The following NKAIN3 variants were observed in gnomAD, a reference collection of about 807,000 sequenced individuals.
NKAIN3 encodes sodium/potassium transporting ATPase interacting 3.
Under a neutral mutation model 30.2 loss-of-function variants are expected in NKAIN3, and 25 were observed. That is an observed-to-expected ratio of 0.83 (90% CI 0.60 to 1.16). The LOEUF (loss-of-function observed/expected upper bound fraction) is 1.16. Among genes scored for constraint, NKAIN3 ranks in the 50% most tolerant of loss-of-function variants. The probability of loss-of-function intolerance (pLI) is 0.00; values close to 1 mark genes in which losing one functional copy is unlikely to be tolerated. For synonymous variants in NKAIN3, 91 were observed against 89.6 expected (o/e 1.02, Z -0.09); for missense variants, 225 against 254.1 (o/e 0.89, Z 0.78).
chr8:62,331,132 T>A (rs193299971), intron 1 of NKAIN3, among the ~76,000 whole-genome samples: 252 of 149,412 alleles, frequency 1.7e-3, no homozygotes, highest in African/African-American at 5.7e-3. Flanking sequence ...TATCCCTTCC[T>A]CCCTCCTCTT....
intron 1 of NKAIN3, among the ~76,000 whole-genome samples, chr8:62,577,156 C>T (rs1222734327): frequency 1.3e-5 from 2 of 151,994 alleles, no homozygotes; most frequent in Non-Finnish European, 2.9e-5. Context: ...TCGATATGCT[C>T]CCTTCTCTGT....
At chr8:62,350,848 C>T (rs972077361) in intron 1 of NKAIN3, among the ~76,000 whole-genome samples, 2 of 151,664 alleles carry the variant, frequency 1.3e-5, no homozygotes, top group Non-Finnish European at 2.9e-5. Context: ...TGCCACCATG[C>T]CCGGCTAATT....
intron 3 of NKAIN3, among the ~76,000 whole-genome samples, chr8:62,663,713 C>A (rs1228147908): frequency 6.6e-6 from 1 of 152,200 alleles, no homozygotes; most frequent in East Asian, 1.9e-4. Flanking sequence ...CATCTCCCTA[C>A]TTCTTTTCTG....
chr8:62,351,840 G>A (rs1816190606), intron 1 of NKAIN3, among the ~76,000 whole-genome samples: 1 of 152,268 alleles, frequency 6.6e-6, no homozygotes, highest in Middle Eastern at 3.4e-3. Flanking sequence ...TGTAAGAGGA[G>A]GTAGCATCAC....
chr8:62,819,156 T>C (rs1041606120), intron 4 of NKAIN3, among the ~76,000 whole-genome samples: 1,943 of 146,770 alleles, frequency 0.013, 48 homozygotes, highest in African/African-American at 0.048. Context: ...TATATACATA[T>C]ATATATATAT....
chr8:62,446,100 C>T (rs1805477977), intron 1 of NKAIN3, among the ~76,000 whole-genome samples: 1 of 151,984 alleles, frequency 6.6e-6, no homozygotes, highest in South Asian at 2.1e-4. Flanking sequence ...GTGAAAATGC[C>T]CATTTATTCA....
intron 6 of NKAIN3, among the ~76,000 whole-genome samples, chr8:62,957,619 T>C (rs1160181535): frequency 1.3e-5 from 2 of 152,156 alleles, no homozygotes; most frequent in Non-Finnish European, 2.9e-5. Context: ...GAAGTCAAAC[T>C]GAAAAGGCTA....
Position 62,589,875 on chromosome 8 carries a change from TTGTGTGTG to T in NKAIN3, c.273+115_273+122del, listed in dbSNP as rs35791396. ...GTGACTACATACATATATAGGTATA[TTGTGTGTG>T]TGTGTGTGTGTGTGTGTGTGTGTGT... On this transcript the variant is annotated intron_variant, in intron 3 of 6. Transcript: ENST00000623646. 3.8e-4 allele frequency: 164 copies of T among 430,062 alleles called. 1 individual carries two copies. Among genetic ancestry groups the T allele is most frequent in the African/African-American group, 2.5e-3 (113 of 45,596 alleles). The allele number at this position is 430,062 out of a possible 1,614,324, so 26.6% of individuals were successfully genotyped here. A position where few individuals can be genotyped will look rare whatever the true frequency, so the allele number is the denominator to read the frequency against.
chr8:62,700,351 T>C (rs1258541927), intron 3 of NKAIN3, among the ~76,000 whole-genome samples: 6 of 152,236 alleles, frequency 3.9e-5, no homozygotes, highest in African/African-American at 1.4e-4. Flanking sequence ...TTCCACATCT[T>C]GTGCTTAAAC....
intron 1 of NKAIN3, among the ~76,000 whole-genome samples, chr8:62,271,427 T>C (rs562771746): frequency 6.6e-6 from 1 of 152,290 alleles, no homozygotes; most frequent in South Asian, 2.1e-4. Context: ...TGGGAGGAAG[T>C]ATCAAGGTGT....
intron 5 of NKAIN3, among the ~76,000 whole-genome samples, chr8:62,937,739 C>G (rs1191801074): frequency 6.6e-6 from 1 of 152,044 alleles, no homozygotes; most frequent in Non-Finnish European, 1.5e-5. Flanking sequence ...GAAGCCTCAG[C>G]AGGCAGGGAG....
intron 4 of NKAIN3, among the ~76,000 whole-genome samples, chr8:62,892,412 T>G (rs922799470): frequency 1.3e-5 from 2 of 152,200 alleles, no homozygotes; most frequent in African/African-American, 4.8e-5. Context: ...AAAATTGTCG[T>G]CTTATTAACT....
At chr8:62,484,231 G>T (rs2035255377) in intron 1 of NKAIN3, among the ~76,000 whole-genome samples, 2 of 152,194 alleles carry the variant, frequency 1.3e-5, no homozygotes, top group South Asian at 2.1e-4. Context: ...GCTCTTAGCA[G>T]ACTCTAGGCT....
chr8:62,293,512 T>C (rs535334065), intron 1 of NKAIN3, among the ~76,000 whole-genome samples: 76 of 152,312 alleles, frequency 5.0e-4, no homozygotes, highest in African/African-American at 1.7e-3. Flanking sequence ...TTCCAGACCC[T>C]GTTTGCCTGG....
intron 1 of NKAIN3, among the ~76,000 whole-genome samples, chr8:62,541,440 T>C (rs936673316): frequency 3.3e-5 from 5 of 152,340 alleles, no homozygotes; most frequent in Admixed American, 1.3e-4. Context: ...AATCCTCTTT[T>C]TGTATCCACT....
At chr8:62,911,539 TCTC>T in intron 4 of NKAIN3, among the ~76,000 whole-genome samples, 1 of 152,186 alleles carries the variant, frequency 6.6e-6, no homozygotes, top group East Asian at 1.9e-4. Flanking sequence ...TTACTATCCT[TCTC>T]CTTCCTTGCA....
At chr8:62,307,477 G>T (rs977309944) in intron 1 of NKAIN3, among the ~76,000 whole-genome samples, 1 of 149,414 alleles carries the variant, frequency 6.7e-6, no homozygotes, top group East Asian at 2.0e-4. Flanking sequence ...CACCATGTGC[G>T]TCAGACACTT....
At chr8:62,620,756 G>T (rs1190260127) in intron 3 of NKAIN3, among the ~76,000 whole-genome samples, 1 of 152,072 alleles carries the variant, frequency 6.6e-6, no homozygotes, top group Non-Finnish European at 1.5e-5. Context: ...CTTTTTCTCA[G>T]CTAAGAAACA....
At chr8:62,929,625 C>T (rs1822558404) in intron 5 of NKAIN3, among the ~76,000 whole-genome samples, 1 of 152,140 alleles carries the variant, frequency 6.6e-6, no homozygotes, top group Admixed American at 6.5e-5. Flanking sequence ...ATGAGGGAGG[C>T]TTTTCTGCCC....
Sources: gnomAD v4.1 joint callset for allele counts (sites outside exome capture counted in the v4.1 genomes callset) on GRCh38, gnomAD v4.1.1 for gene constraint, MANE v1.5 for transcripts, NCBI Gene and HGNC (gene_info 2026-07-23, HGNC 2026-07-21) for gene names.